Variants in SUGCT observed in about 807,000 individuals in gnomAD.
SUGCT encodes succinyl-CoA:glutarate CoA-transferase.
SUGCT carries 41 observed loss-of-function variants against 55.0 expected under a neutral mutation model. The observed-to-expected ratio is 0.74, with a 90% CI of 0.58 to 0.97. The LOEUF is 0.97. SUGCT is among the 50% of genes least tolerant of loss of function. The pLI is 0.00. For missense variants in SUGCT, 568 were observed against 547.8 expected, an observed-to-expected ratio of 1.04 and a Z score of -0.37; for synonymous variants, 187 against 200.4, an observed-to-expected ratio of 0.93 and a Z score of 0.56.
chr7:40,806,763 G>T (rs188052668), intron 13 of SUGCT, among the ~76,000 whole-genome samples: 97 of 152,244 alleles, frequency 6.4e-4, no homozygotes, highest in Middle Eastern at 6.8e-3. Context: ...TGGTACAAAT[G>T]CTGGGATCGG....
rs138984553 is a variant in SUGCT, at chr7:40,440,145, G to GTTTTTTTTT, written c.817-9118_817-9110dup. On this transcript the variant is annotated intron_variant, in intron 9 of 13. Coordinates refer to ENST00000335693, the MANE Select transcript of SUGCT (RefSeq NM_001193313.2). ...TCAAGTTTTTTGTCTGTGTGTGTGTGTTTTTTTTTTTTTTTTTTTTTTTTT... is the reference window on the plus strand; with the variant it reads ...TCAAGTTTTTTGTCTGTGTGTGTGTGTTTTTTTTTTTTTTTTTTTTTTTTTTTTTTTTTT... 4.1e-4 allele frequency among the ~76,000 whole-genome samples: 28 copies of GTTTTTTTTT among 68,454 alleles called. 1 individual carries two copies. The highest frequency in any genetic ancestry group is 1.8e-3 in the African/African-American group (27 of 14,924). 44.9% of individuals were successfully genotyped at this position (68,454 alleles called of 152,430 possible).
chr7:40,959,959 A>T, the SUGCT span, among the ~76,000 whole-genome samples: 2 of 152,126 alleles, frequency 1.3e-5, no homozygotes, highest in African/African-American at 4.8e-5. Context: ...TCTCTGGGTG[A>T]GGCAACACTC....
intron 9 of SUGCT, among the ~76,000 whole-genome samples, chr7:40,389,111 A>G (rs1785270957): frequency 1.3e-5 from 2 of 152,200 alleles, no homozygotes; most frequent in Admixed American, 1.3e-4. Context: ...ATAAAATATA[A>G]GAATGTTTTA....
At chr7:40,528,950 AAGG>A (rs1382120446) in intron 12 of SUGCT, among the ~76,000 whole-genome samples, 1 of 152,166 alleles carries the variant, frequency 6.6e-6, no homozygotes, top group Non-Finnish European at 1.5e-5. Context: ...AGGTAGAAAA[AAGG>A]AGGAGATGTA....
At chr7:40,822,726 C>G (rs1045489921) in intron 13 of SUGCT, among the ~76,000 whole-genome samples, 1 of 152,158 alleles carries the variant, frequency 6.6e-6, no homozygotes, top group Non-Finnish European at 1.5e-5. Flanking sequence ...CACACGTACA[C>G]TCATCAGTGG....
the SUGCT span, among the ~76,000 whole-genome samples, chr7:40,893,939 T>C: frequency 1.3e-5 from 2 of 151,578 alleles, no homozygotes; most frequent in Non-Finnish European, 2.9e-5. Context: ...CAGGCACCTG[T>C]AATTGCAGCT....
chr7:40,631,792 A>T (rs573347756), intron 12 of SUGCT, among the ~76,000 whole-genome samples: 1 of 152,216 alleles, frequency 6.6e-6, no homozygotes, highest in Non-Finnish European at 1.5e-5. Context: ...CTCATAGGAC[A>T]TAGCTAGAAG....
chr7:40,348,263 G>A (rs747898970), intron 9 of SUGCT, among the ~76,000 whole-genome samples: 1 of 152,236 alleles, frequency 6.6e-6, no homozygotes, highest in Non-Finnish European at 1.5e-5. Flanking sequence ...ATTTCTTGCA[G>A]TCAGGTGGTT....
chr7:40,494,412 T>C (rs2151515114), intron 11 of SUGCT, among the ~76,000 whole-genome samples: 1 of 152,342 alleles, frequency 6.6e-6, no homozygotes, highest in African/African-American at 2.4e-5. Context: ...ACTGGAACAG[T>C]CATTGAAAAG....
At chr7:40,800,557 A>G (rs10276001) in intron 13 of SUGCT, among the ~76,000 whole-genome samples, 47,441 of 151,682 alleles carry the variant, frequency 0.31, 7,854 homozygotes, top group South Asian at 0.44. Flanking sequence ...CTTCCAAAGT[A>G]CTGGGATTAC....
chr7:40,692,465 T>G (rs1268604535), intron 12 of SUGCT, among the ~76,000 whole-genome samples: 2 of 152,176 alleles, frequency 1.3e-5, no homozygotes, highest in Non-Finnish European at 2.9e-5. Flanking sequence ...TCCTGATTTT[T>G]TGGACTTCCG....
chr7:41,008,424 A>G, the SUGCT span, among the ~76,000 whole-genome samples: 1 of 152,156 alleles, frequency 6.6e-6, no homozygotes, highest in African/African-American at 2.4e-5. Context: ...GGCCAATGAA[A>G]GGTCACAGTC....
chr7:40,195,215 CTTTTTTCT>C (rs1786179469), intron 6 of SUGCT, among the ~76,000 whole-genome samples, 155 bp downstream of exon 6: 7 of 119,022 alleles, frequency 5.9e-5, no homozygotes, highest in South Asian at 2.7e-4. Context: ...TTACTTTTTT[CTTTTTTCT>C]TTTTTTTTTT....
the SUGCT span, among the ~76,000 whole-genome samples, chr7:40,886,320 T>C: frequency 6.6e-6 from 1 of 152,100 alleles, no homozygotes; most frequent in Non-Finnish European, 1.5e-5. Context: ...TGATGTACCA[T>C]GGTAGGATGT....
intron 12 of SUGCT, among the ~76,000 whole-genome samples, chr7:40,534,302 G>A (rs1452119973): frequency 6.6e-6 from 1 of 152,074 alleles, no homozygotes; most frequent in Non-Finnish European, 1.5e-5. Context: ...TATTGATAGT[G>A]TTCAGTAAGA....
chr7:40,993,295 G>C, the SUGCT span, among the ~76,000 whole-genome samples: 2 of 152,096 alleles, frequency 1.3e-5, no homozygotes, highest in Non-Finnish European at 2.9e-5. Flanking sequence ...TGTGTTCAGT[G>C]TTCTGTGCAC....
chr7:40,606,684 A>G (rs1246519444), intron 12 of SUGCT, among the ~76,000 whole-genome samples: 1 of 152,256 alleles, frequency 6.6e-6, no homozygotes, highest in African/African-American at 2.4e-5. Flanking sequence ...TTACTCTTAC[A>G]TGATCAAGTC....
the SUGCT span, among the ~76,000 whole-genome samples, chr7:40,930,056 C>T: frequency 2.0e-5 from 3 of 152,124 alleles, no homozygotes; most frequent in Non-Finnish European, 4.4e-5. Flanking sequence ...GGTTTTAGGT[C>T]TAACATTTAA....
chr7:40,899,470 C>G, the SUGCT span, among the ~76,000 whole-genome samples: 2 of 152,132 alleles, frequency 1.3e-5, no homozygotes, highest in African/African-American at 4.8e-5. Context: ...TAAAAAGACA[C>G]GCGACTCAAG....
Sources: allele counts gnomAD v4.1 joint callset (sites outside exome capture counted in the v4.1 genomes callset), GRCh38; gene constraint gnomAD v4.1.1; transcripts MANE v1.5; gene names NCBI Gene and HGNC (gene_info 2026-07-23, HGNC 2026-07-21).